Variants in STK32B observed in about 807,000 individuals in gnomAD.
STK32B encodes the protein serine/threonine-protein kinase 32B.
Under a neutral mutation model 52.6 loss-of-function variants are expected in STK32B, and 43 were observed. That is an observed-to-expected ratio of 0.82 (90% CI 0.64 to 1.05). The LOEUF is 1.05. Ranked by LOEUF, STK32B falls within the 50% of genes least tolerant of loss-of-function variation. The probability of loss-of-function intolerance (pLI) is 0.00; values close to 1 mark genes in which losing one functional copy is unlikely to be tolerated. For missense variants in STK32B, 621 were observed against 534.6 expected (o/e 1.16, Z -1.59); for synonymous variants, 238 against 204.3 (o/e 1.17, Z -1.41).
chr4:5,489,910 A>G (rs1719565569), intron 11 of STK32B, among the ~76,000 whole-genome samples: 1 of 152,212 alleles, frequency 6.6e-6, no homozygotes, highest in Non-Finnish European at 1.5e-5. Context: ...GATACAGTGT[A>G]ATACATGTAT....
intron 5 of STK32B, among the ~76,000 whole-genome samples, chr4:5,416,245 CCTT>C (rs1674252826): frequency 6.6e-6 from 1 of 152,212 alleles, no homozygotes; most frequent in South Asian, 2.1e-4. Flanking sequence ...AGTTTCCTTC[CCTT>C]CTTCTCTTTC....
In STK32B at chr4:5,468,089, C is replaced by G. The variant is rs779748160; in HGVS notation, c.1106+19C>G. ...GAGAGAAGTAAGTCCTTCATACTGT[C>G]CCCCTTGGGCAAAGCCTGTCCTAAG... is the stretch of plus-strand genomic sequence containing the variant. On this transcript the variant is annotated intron_variant, in intron 11 of 11. Coordinates refer to ENST00000282908, the MANE Select transcript of STK32B (RefSeq NM_018401.3). 8.1e-6 allele frequency: 13 copies of G among 1,612,556 alleles called. No homozygotes were observed. Among genetic ancestry groups the G allele is most frequent in the African/African-American group, 1.3e-5 (1 of 75,034 alleles).
chr4:5,189,815 C>A (rs1721038911), intron 3 of STK32B, among the ~76,000 whole-genome samples: 1 of 152,158 alleles, frequency 6.6e-6, no homozygotes, highest in African/African-American at 2.4e-5. Flanking sequence ...ACATCCTCGT[C>A]AGCACTTGGA....
intron 3 of STK32B, among the ~76,000 whole-genome samples, chr4:5,301,766 G>A (rs1164462060): frequency 8.9e-6 from 1 of 112,870 alleles, no homozygotes; most frequent in African/African-American, 3.8e-5. Context: ...TTTGAAAACT[G>A]TTAGTTTATC....
chr4:5,313,215 C>G (rs146565548), intron 3 of STK32B, among the ~76,000 whole-genome samples: 281 of 151,874 alleles, frequency 1.9e-3, no homozygotes, highest in African/African-American at 6.4e-3. Context: ...TATAGACTTG[C>G]AACACTAGTT....
At chr4:5,371,605 G>C (rs1735250078) in intron 4 of STK32B, among the ~76,000 whole-genome samples, 1 of 152,126 alleles carries the variant, frequency 6.6e-6, no homozygotes, top group Non-Finnish European at 1.5e-5. Flanking sequence ...GAGGTGGGAG[G>C]CTGGAATCCA....
chr4:5,229,766 G>T (rs773745704), intron 3 of STK32B, among the ~76,000 whole-genome samples: 1 of 151,850 alleles, frequency 6.6e-6, no homozygotes, highest in African/African-American at 2.4e-5. Context: ...TTTCCTAAAC[G>T]AACACAAAAC....
intron 3 of STK32B, among the ~76,000 whole-genome samples, chr4:5,319,958 C>T (rs1226468745): frequency 1.3e-5 from 2 of 152,106 alleles, no homozygotes; most frequent in African/African-American, 4.8e-5. Context: ...ACTGAGAAAC[C>T]TAAATCATGC....
chr4:5,315,210 A>C (rs1359556040), intron 3 of STK32B, among the ~76,000 whole-genome samples: 1 of 152,166 alleles, frequency 6.6e-6, no homozygotes, highest in Non-Finnish European at 1.5e-5. Flanking sequence ...TAAACACATG[A>C]AAAAGTGTTC....
chr4:5,268,758 C>T (rs9684577), intron 3 of STK32B, among the ~76,000 whole-genome samples: 30,900 of 151,784 alleles, frequency 0.2, 6,600 homozygotes, highest in African/African-American at 0.54. Flanking sequence ...TTGAAAAACC[C>T]CCTCTGCAGC....
At chr4:5,036,962 G>A in the STK32B span, among the ~76,000 whole-genome samples, 1 of 151,982 alleles carries the variant, frequency 6.6e-6, no homozygotes, top group Non-Finnish European at 1.5e-5. Context: ...CACTGTGCCC[G>A]GCCAAGGGTG....
At chr4:5,103,804 C>T (rs528542418) in intron 1 of STK32B, among the ~76,000 whole-genome samples, 32 of 152,210 alleles carry the variant, frequency 2.1e-4, no homozygotes, top group Non-Finnish European at 3.5e-4. Context: ...TTATTTTTGC[C>T]AGTACGATGA....
intron 3 of STK32B, among the ~76,000 whole-genome samples, chr4:5,271,892 A>G (rs1056926542): frequency 3.1e-4 from 44 of 141,868 alleles, no homozygotes; most frequent in Non-Finnish European, 1.3e-4. Context: ...TATCAGCTTA[A>G]GGAGATATTG....
At chr4:5,279,583 T>C (rs1281226620) in intron 3 of STK32B, among the ~76,000 whole-genome samples, 1 of 152,110 alleles carries the variant, frequency 6.6e-6, no homozygotes, top group Non-Finnish European at 1.5e-5. Context: ...GGATGGTAGC[T>C]TTTTCCTCAC....
At chr4:5,397,359 G>A (rs138231011) in intron 4 of STK32B, among the ~76,000 whole-genome samples, 168 of 152,268 alleles carry the variant, frequency 1.1e-3, no homozygotes, top group African/African-American at 3.8e-3. Flanking sequence ...GGTGTTTCAC[G>A]TGTGTCTACC....
chr4:5,098,858 G>A (rs1270797530), intron 1 of STK32B, among the ~76,000 whole-genome samples: 1 of 152,212 alleles, frequency 6.6e-6, no homozygotes, highest in Non-Finnish European at 1.5e-5. Flanking sequence ...GAAAGAAGAT[G>A]CTATCAGATT....
At chr4:5,478,728 A>G (rs1718429544) in intron 11 of STK32B, among the ~76,000 whole-genome samples, 1 of 152,224 alleles carries the variant, frequency 6.6e-6, no homozygotes, top group Non-Finnish European at 1.5e-5. Flanking sequence ...TTGGGGCTCC[A>G]TAGAAGCCAA....
In STK32B at chr4:5,241,772, T is replaced by C. The variant is rs189116126; in HGVS notation, c.260+73322T>C. Among the ~76,000 whole-genome samples the C allele has an allele frequency of 4.0e-3, 616 of 152,224 alleles. 4 individuals carry two copies. The highest frequency in any genetic ancestry group is 0.014 in the African/African-American group (567 of 41,532). On this transcript the variant is annotated intron_variant, in intron 3 of 11. Transcript: ENST00000282908. ...CCCTGGTGTGTGATGTTCCGCTTCCTGTGTCCATGTGTTCTCATTGTTCAA... is the reference window on the plus strand; with the variant it reads ...CCCTGGTGTGTGATGTTCCGCTTCCCGTGTCCATGTGTTCTCATTGTTCAA...
rs374056417 is a variant in STK32B at position 5,053,872 on chromosome 4, A to C, written c.52+1957A>C. 3.8e-4 allele frequency among the ~76,000 whole-genome samples: 58 copies of C among 152,126 alleles called. No homozygotes were observed. The East Asian group carries it at 7.9e-3, about 21-fold the overall frequency. On this transcript the variant is annotated intron_variant, in intron 1 of 11. Coordinates refer to ENST00000282908, the MANE Select transcript of STK32B (RefSeq NM_018401.3). ...CGGGAACCTGTAATCCCAGCTACTC[A>C]GGAGGCTGAGGCAGGAGAATCGCTT...
Sources: allele counts gnomAD v4.1 joint callset (sites outside exome capture counted in the v4.1 genomes callset), GRCh38; gene constraint gnomAD v4.1.1; transcripts MANE v1.5; gene names NCBI Gene and HGNC (gene_info 2026-07-23, HGNC 2026-07-21).